ABLIM1: variants seen among roughly 807,000 people sequenced by gnomAD.
ABLIM1 encodes actin binding LIM protein 1.
A neutral mutation model predicts 107.0 loss-of-function variants in ABLIM1; 40 were observed. The observed-to-expected ratio is 0.37, with a 90% CI of 0.29 to 0.49. The LOEUF is 0.49. Ranked by LOEUF, ABLIM1 falls within the 20% of genes least tolerant of loss-of-function variation. ABLIM1 has a pLI of 0.97. For missense variants in ABLIM1, 857 were observed against 1,008.5 expected (o/e 0.85, Z 2.04); for synonymous variants, 357 against 357.3 (o/e 1.00, Z 0.01).
the ABLIM1 span, among the ~76,000 whole-genome samples, chr10:114,774,670 A>G: frequency 1.3e-5 from 2 of 152,192 alleles, no homozygotes; most frequent in African/African-American, 4.8e-5. Context: ...ACAGAGTAAT[A>G]AGTAATCTAG....
chr10:114,613,792 G>A, intron 1 of ABLIM1: 3 of 1,264,740 alleles, frequency 2.4e-6, no homozygotes, highest in Non-Finnish European at 3.1e-6. Flanking sequence ...CTAGGCTCCT[G>A]ACTCCTCCCA....
At chr10:114,683,892 T>C (rs1238650965) in intron 1 of ABLIM1, among the ~76,000 whole-genome samples, 1 of 152,058 alleles carries the variant, frequency 6.6e-6, no homozygotes, top group Non-Finnish European at 1.5e-5. Flanking sequence ...AACACAACTG[T>C]AGGGAAAGCA....
At chr10:114,449,015 GA>G (rs1482472273) in intron 14 of ABLIM1, among the ~76,000 whole-genome samples, 1 of 152,232 alleles carries the variant, frequency 6.6e-6, no homozygotes, top group Non-Finnish European at 1.5e-5. Flanking sequence ...ATTTGGCATT[GA>G]AACTTATGTT....
intron 1 of ABLIM1, among the ~76,000 whole-genome samples, chr10:114,759,568 A>G (rs73373766): frequency 0.032 from 4,898 of 152,318 alleles, 261 homozygotes; most frequent in African/African-American, 0.11. Flanking sequence ...AGTCTCTGAT[A>G]GTAATTATAC....
intron 10 of ABLIM1, among the ~76,000 whole-genome samples, chr10:114,470,421 C>CAAAAAAAAAAAAAAAA (rs10608392): frequency 1.1e-5 from 1 of 88,924 alleles, no homozygotes. Flanking sequence ...GACTCCACCT[C>CAAAAAAAAAAAAAAAA]AAAAAAAAAA....
At chr10:114,744,794 C>T (rs746657902) in intron 1 of ABLIM1, among the ~76,000 whole-genome samples, 9 of 152,114 alleles carry the variant, frequency 5.9e-5, no homozygotes, top group Non-Finnish European at 1.2e-4. Flanking sequence ...GAGAATGTGT[C>T]CCATCTACAT....
intron 7 of ABLIM1, among the ~76,000 whole-genome samples, chr10:114,490,974 A>ATGTGTGTGTGTGTGTGTGTG (rs140256636): frequency 2.0e-5 from 2 of 99,274 alleles, no homozygotes; most frequent in African/African-American, 7.9e-5. Flanking sequence ...CGGCATATAT[A>ATGTGTGTGTGTGTGTGTGTG]TGTGTGTGTG....
chr10:114,637,530 A>G (rs188241984), intron 1 of ABLIM1, among the ~76,000 whole-genome samples: 8 of 152,330 alleles, frequency 5.3e-5, no homozygotes. Flanking sequence ...TTGAGTTCTT[A>G]AAGTAGAACT....
chr10:114,595,547 C>T (rs932430747), intron 2 of ABLIM1, among the ~76,000 whole-genome samples: 1 of 152,118 alleles, frequency 6.6e-6, no homozygotes, highest in Non-Finnish European at 1.5e-5. Context: ...GGGATGAAGG[C>T]TGTAATGGAC....
intron 1 of ABLIM1, among the ~76,000 whole-genome samples, chr10:114,715,744 G>A (rs192417286): frequency 2.2e-4 from 34 of 152,126 alleles, no homozygotes; most frequent in Admixed American, 1.8e-3. Context: ...TACATAGAGC[G>A]TTTGGCTATT....
the ABLIM1 span, among the ~76,000 whole-genome samples, chr10:114,781,485 T>C: frequency 6.6e-6 from 1 of 151,154 alleles, no homozygotes; most frequent in Non-Finnish European, 1.5e-5. Flanking sequence ...GCCTGGGTGA[T>C]GGAGTGAGAC....
chr10:114,784,341 GTC>G, the ABLIM1 span, among the ~76,000 whole-genome samples: 1,104 of 125,594 alleles, frequency 8.8e-3, 5 homozygotes, highest in African/African-American at 0.037. Context: ...GCAAGACTCT[GTC>G]TCAAAAAAAG....
chr10:114,517,550 T>G (rs1451999065), intron 6 of ABLIM1, among the ~76,000 whole-genome samples: 2 of 152,122 alleles, frequency 1.3e-5, no homozygotes, highest in African/African-American at 4.8e-5. Flanking sequence ...AAGTTTGTGG[T>G]GATCTATGAT....
rs77644896 is a variant in ABLIM1, at chr10:114,724,854, G to T, written c.-213+43207C>A. On this transcript the variant is annotated intron_variant, in intron 1 of 15. Coordinates refer to the ABLIM1 transcript ENST00000651092. ...AGGGGAAACAGGTGAGTTGGCTGCA[G>T]GGTGCTCCTTGACCACACCAGGCAG... Among the ~76,000 whole-genome samples, 1,337 of 152,290 alleles carry T rather than the reference G, an allele frequency of 8.8e-3. 15 individuals are homozygous for T. Among genetic ancestry groups the T allele is most frequent in the African/African-American group, 0.028 (1,172 of 41,572 alleles).
chr10:114,784,143 C>T, the ABLIM1 span, among the ~76,000 whole-genome samples: 1 of 151,150 alleles, frequency 6.6e-6, no homozygotes, highest in Non-Finnish European at 1.5e-5. Context: ...GTCAGGAGTT[C>T]TAGACAAGCC....
intron 1 of ABLIM1, among the ~76,000 whole-genome samples, chr10:114,637,037 A>T (rs1313491241): frequency 1.6e-4 from 5 of 31,878 alleles, no homozygotes; most frequent in African/African-American, 1.5e-3. Context: ...TGTCTCTTTA[A>T]AAAAAAAAAA....
intron 14 of ABLIM1, among the ~76,000 whole-genome samples, chr10:114,450,849 A>G (rs533111718): frequency 1.3e-5 from 2 of 152,158 alleles, no homozygotes; most frequent in Admixed American, 1.3e-4. Context: ...ACGCCTGAAG[A>G]CCAGCTTTAG....
intron 6 of ABLIM1, among the ~76,000 whole-genome samples, chr10:114,522,466 C>G (rs1412387982): frequency 6.6e-6 from 1 of 152,164 alleles, no homozygotes; most frequent in Non-Finnish European, 1.5e-5. Flanking sequence ...TCACAAAACA[C>G]AATTCTCTAT....
At chr10:114,582,699 T>C (rs112462941) in intron 2 of ABLIM1, among the ~76,000 whole-genome samples, 2,106 of 151,924 alleles carry the variant, frequency 0.014, 43 homozygotes, top group African/African-American at 0.049. Context: ...AACCCAGAAA[T>C]AAAGTTACAT....
Sources: gnomAD v4.1 joint callset for allele counts (sites outside exome capture counted in the v4.1 genomes callset) on GRCh38, gnomAD v4.1.1 for gene constraint, MANE v1.5 for transcripts, NCBI Gene and HGNC (gene_info 2026-07-23, HGNC 2026-07-21) for gene names.